SCAPER: variants seen among roughly 807,000 people sequenced by gnomAD.
SCAPER encodes the protein S-phase cyclin A associated protein in the ER.
In SCAPER, 98 loss-of-function variants were observed where a neutral mutation model predicts 182.2. That is an observed-to-expected ratio of 0.54 (90% CI 0.46 to 0.64). SCAPER has a LOEUF of 0.64. Ranked by LOEUF, SCAPER falls within the 30% of genes least tolerant of loss-of-function variation. The pLI is 0.00. For synonymous variants in SCAPER, 605 were observed against 564.6 expected (o/e 1.07, Z -1.01); for missense variants, 1,432 against 1,690.0 (o/e 0.85, Z 2.68).
intron 23 of SCAPER, among the ~76,000 whole-genome samples, chr15:76,551,199 T>C (rs1567430495): frequency 6.6e-6 from 1 of 152,198 alleles, no homozygotes. Flanking sequence ...CCAGCAATCC[T>C]GCTAGTGGCT....
intron 24 of SCAPER, among the ~76,000 whole-genome samples, chr15:76,495,085 T>A (rs565999873): frequency 2.6e-5 from 4 of 152,228 alleles, no homozygotes; most frequent in Admixed American, 2.6e-4. Flanking sequence ...TACATGGAAA[T>A]CAAATGCCTT....
intron 20 of SCAPER, among the ~76,000 whole-genome samples, chr15:76,674,682 C>T (rs1331822718): frequency 2.0e-5 from 3 of 152,114 alleles, no homozygotes; most frequent in South Asian, 4.2e-4. Flanking sequence ...TCACATAAAG[C>T]GACCCTGAAA....
At chr15:76,446,447 A>G (rs166932) in intron 25 of SCAPER, among the ~76,000 whole-genome samples, 147,978 of 152,320 alleles carry the variant, frequency 0.97, 72,015 homozygotes, top group South Asian at 1. Flanking sequence ...GCTGCCCAAA[A>G]GACATGTTTC....
chr15:76,867,027 A>G (rs1384892040), intron 2 of SCAPER, among the ~76,000 whole-genome samples: 1 of 152,196 alleles, frequency 6.6e-6, no homozygotes. Context: ...CTTACAGTAC[A>G]TAATCTAAGA....
intron 23 of SCAPER, among the ~76,000 whole-genome samples, chr15:76,539,795 T>C (rs554003675): frequency 1.3e-5 from 2 of 152,284 alleles, no homozygotes; most frequent in South Asian, 4.1e-4. Context: ...TCTGCCCGCC[T>C]CGGCCTTCCA....
At chr15:76,371,181 C>T (rs1383607614) in intron 29 of SCAPER, among the ~76,000 whole-genome samples, 1 of 152,192 alleles carries the variant, frequency 6.6e-6, no homozygotes, top group Non-Finnish European at 1.5e-5. Flanking sequence ...GCTCATCTGT[C>T]TGTGAGGTAA....
At chr15:76,433,154 A>G (rs139892740) in intron 26 of SCAPER, among the ~76,000 whole-genome samples, 46 of 152,332 alleles carry the variant, frequency 3.0e-4, no homozygotes, top group African/African-American at 1.0e-3. Context: ...AGTTGGAAAG[A>G]GTTGACATCA....
intron 25 of SCAPER, among the ~76,000 whole-genome samples, chr15:76,456,880 T>C (rs535695218): frequency 6.6e-6 from 1 of 152,344 alleles, no homozygotes; most frequent in East Asian, 1.9e-4. Flanking sequence ...TGATATTAAA[T>C]TCTACTCTGA....
chr15:76,860,154 A>G (rs2071762234), intron 3 of SCAPER, among the ~76,000 whole-genome samples: 1 of 152,168 alleles, frequency 6.6e-6, no homozygotes, highest in Admixed American at 6.5e-5. Context: ...TGTTTTTTGA[A>G]TAGAAACAAC....
intron 27 of SCAPER, among the ~76,000 whole-genome samples, chr15:76,389,815 CAA>C (rs34780168): frequency 8.4e-5 from 8 of 95,564 alleles, no homozygotes; most frequent in Non-Finnish European, 7.8e-5. Flanking sequence ...GACTCCGTCT[CAA>C]AAAAAAAAAA....
At chr15:76,693,745 C>A (rs1201701517) in intron 20 of SCAPER, among the ~76,000 whole-genome samples, 1 of 151,964 alleles carries the variant, frequency 6.6e-6, no homozygotes, top group Non-Finnish European at 1.5e-5. Flanking sequence ...AAGCCAGTCA[C>A]AAACATGACA....
chr15:76,534,568 T>C (rs1261219162), intron 23 of SCAPER, among the ~76,000 whole-genome samples: 1 of 152,230 alleles, frequency 6.6e-6, no homozygotes, highest in African/African-American at 2.4e-5. Context: ...TTTTCAGTGA[T>C]TTTACGTGAA....
In SCAPER at chr15:76,894,961, G is replaced by A. The variant is rs190267453; in HGVS notation, c.-60+10338C>T. ...TGGCGAATTCTACCAAACATTTAAC[G>A]AAGAATTAATACCAATCCTTCTCAA... On this transcript the variant is annotated intron_variant, in intron 1 of 31. Transcript: ENST00000563290. Among the ~76,000 whole-genome samples the A allele has an allele frequency of 3.3e-5, 5 of 152,210 alleles. No individual in the cohort carries two copies. In the East Asian group the frequency reaches 5.8e-4, roughly 18 times the overall value.
chr15:76,629,124 T>C (rs12902452), intron 21 of SCAPER, among the ~76,000 whole-genome samples: 58,085 of 152,124 alleles, frequency 0.38, 13,093 homozygotes, highest in Middle Eastern at 0.52. Flanking sequence ...TTTTGTATCG[T>C]GAGACTTTGC....
chr15:76,695,352 T>C (rs2058595931), intron 20 of SCAPER, among the ~76,000 whole-genome samples: 1 of 152,132 alleles, frequency 6.6e-6, no homozygotes, highest in African/African-American at 2.4e-5. Flanking sequence ...TCCCAGCATT[T>C]TGGGAGGCCA....
intron 17 of SCAPER, among the ~76,000 whole-genome samples, chr15:76,713,076 T>G (rs530487628): frequency 6.6e-6 from 1 of 152,202 alleles, no homozygotes; most frequent in Admixed American, 6.5e-5. Context: ...GCTGTGGGTT[T>G]GTCATAGATA....
At chr15:76,760,283 CAA>C (rs1420543198) in intron 14 of SCAPER, among the ~76,000 whole-genome samples, 1 of 152,178 alleles carries the variant, frequency 6.6e-6, no homozygotes, top group Non-Finnish European at 1.5e-5. Context: ...ACTGTCTCCT[CAA>C]GTTTGATTAA....
At chr15:76,592,137 G>T (rs577374041) in intron 22 of SCAPER, among the ~76,000 whole-genome samples, 24 of 151,312 alleles carry the variant, frequency 1.6e-4, no homozygotes, top group Non-Finnish European at 1.2e-4. Context: ...TATATAGAGA[G>T]ATATATAGGT....
At chr15:76,537,491 G>A (rs187218466) in intron 23 of SCAPER, among the ~76,000 whole-genome samples, 1 of 152,218 alleles carries the variant, frequency 6.6e-6, no homozygotes, top group African/African-American at 2.4e-5. Context: ...TTAATAAAAG[G>A]TGCTGGGAAA....
Sources: allele counts gnomAD v4.1 joint callset (sites outside exome capture counted in the v4.1 genomes callset), GRCh38; gene constraint gnomAD v4.1.1; transcripts MANE v1.5; gene names NCBI Gene and HGNC (gene_info 2026-07-23, HGNC 2026-07-21).